MAPKAP1: variants seen among roughly 807,000 people sequenced by gnomAD.
MAPKAP1 encodes the protein target of rapamycin complex 2 subunit MAPKAP1.
A neutral mutation model predicts 65.7 loss-of-function variants in MAPKAP1; 20 were observed. The observed-to-expected ratio is 0.30, with a 90% confidence interval of 0.21 to 0.44. MAPKAP1 has a LOEUF of 0.44. MAPKAP1 is among the 20% of genes least tolerant of loss of function. The pLI is 1.00. For missense variants in MAPKAP1, 423 were observed against 648.0 expected, an observed-to-expected ratio of 0.65 and a Z score of 3.77; for synonymous variants, 222 against 244.3, an observed-to-expected ratio of 0.91 and a Z score of 0.85.
intron 4 of MAPKAP1, among the ~76,000 whole-genome samples, chr9:125,608,580 T>A (rs1435601925): frequency 6.6e-6 from 1 of 152,190 alleles, no homozygotes; most frequent in Non-Finnish European, 1.5e-5. Context: ...AGTGGAGACA[T>A]CAGCATTTCC....
chr9:125,531,533 C>T (rs1339630901), intron 7 of MAPKAP1, among the ~76,000 whole-genome samples: 1 of 152,162 alleles, frequency 6.6e-6, no homozygotes, highest in Non-Finnish European at 1.5e-5. Flanking sequence ...TGTTATTTAA[C>T]AGACGAGCTA....
At chr9:125,682,689 T>C (rs1447470705) in intron 1 of MAPKAP1, among the ~76,000 whole-genome samples, 1 of 152,244 alleles carries the variant, frequency 6.6e-6, no homozygotes, top group Non-Finnish European at 1.5e-5. Context: ...AAATGTTTAC[T>C]AGTTTTACCT....
rs1381457590 is a variant in MAPKAP1 at position 125,603,066 on chromosome 9, CTTT to C, written c.499-17342_499-17340del. On this transcript the variant is annotated intron_variant, in intron 4 of 11. Coordinates refer to ENST00000265960, the MANE Select transcript of MAPKAP1 (RefSeq NM_001006617.3). ...CACCACCACACTTGCGTCTTTCTTT[CTTT>C]CTTTCTTTCTTTTTTTTTTATAGAG... Among the ~76,000 whole-genome samples, 27 of 151,020 alleles carry C rather than the reference CTTT, an allele frequency of 1.8e-4. No individual in the cohort carries two copies. In the East Asian group the frequency reaches 5.0e-3, roughly 28 times the overall value.
intron 5 of MAPKAP1, among the ~76,000 whole-genome samples, chr9:125,565,025 G>T (rs527627976): frequency 6.6e-6 from 1 of 152,260 alleles, no homozygotes; most frequent in East Asian, 1.9e-4. Flanking sequence ...TTTGAACAAC[G>T]AATGGATGCA....
chr9:125,537,939 G>A (rs548470992), intron 7 of MAPKAP1, among the ~76,000 whole-genome samples: 2 of 152,196 alleles, frequency 1.3e-5, no homozygotes, highest in African/African-American at 4.8e-5. Flanking sequence ...TCTAAATTCC[G>A]CACCTCCCCA....
intron 6 of MAPKAP1, among the ~76,000 whole-genome samples, chr9:125,549,918 A>T (rs1400486451): frequency 6.6e-6 from 1 of 152,212 alleles, no homozygotes; most frequent in Non-Finnish European, 1.5e-5. Context: ...CTGCAAAGAC[A>T]TTCACATTCC....
intron 9 of MAPKAP1, among the ~76,000 whole-genome samples, chr9:125,470,679 T>C (rs926217989): frequency 4.6e-5 from 7 of 152,222 alleles, no homozygotes; most frequent in African/African-American, 9.6e-5. Context: ...CCTGGGGTTA[T>C]TGTGCAGTTA....
At chr9:125,597,045 G>A (rs1245041487) in intron 4 of MAPKAP1, among the ~76,000 whole-genome samples, 1 of 150,338 alleles carries the variant, frequency 6.7e-6, no homozygotes, top group Non-Finnish European at 1.5e-5. Context: ...GGCAGATCAC[G>A]AGGTCAGGAG....
chr9:125,685,883 TAATA>T (rs1834959660), intron 1 of MAPKAP1, among the ~76,000 whole-genome samples: 1 of 152,222 alleles, frequency 6.6e-6, no homozygotes, highest in Non-Finnish European at 1.5e-5. Flanking sequence ...GCTGCTGGTT[TAATA>T]GATAGGTCTC....
In MAPKAP1 at chr9:125,517,388, TGGGGTGGGGG is replaced by T. The variant is rs1372937335; in HGVS notation, c.959-10981_959-10972del. On this transcript the variant is annotated intron_variant, in intron 7 of 11. Transcript: ENST00000265960. Reference sequence around the variant, plus strand: ...CTGCTTGCCCTGATTTTTCCAGGGTTGGGGTGGGGGTTCTTTTTCTAAGTTAAGTGATTTA... The same window carrying T: ...CTGCTTGCCCTGATTTTTCCAGGGTTTTCTTTTTCTAAGTTAAGTGATTTA... Among the ~76,000 whole-genome samples, 4 of 152,010 alleles carry T rather than the reference TGGGGTGGGGG, an allele frequency of 2.6e-5. No individual in the cohort carries two copies. In the East Asian group the frequency reaches 7.7e-4, roughly 29 times the overall value.
chr9:125,592,991 GA>G (rs1365534076), intron 4 of MAPKAP1, among the ~76,000 whole-genome samples: 1 of 132,796 alleles, frequency 7.5e-6, no homozygotes, highest in East Asian at 2.2e-4. Flanking sequence ...AAAAAAAAAA[GA>G]AAAAAAAGAA....
chr9:125,468,647 C>T (rs1331392563), intron 9 of MAPKAP1, among the ~76,000 whole-genome samples: 1 of 152,172 alleles, frequency 6.6e-6, no homozygotes, highest in Non-Finnish European at 1.5e-5. Flanking sequence ...TTCTGTGACA[C>T]TAAATAATTA....
chr9:125,475,130 T>TTCTCCATA (rs1854055292), intron 9 of MAPKAP1, among the ~76,000 whole-genome samples: 1 of 152,080 alleles, frequency 6.6e-6, no homozygotes, highest in Non-Finnish European at 1.5e-5. Flanking sequence ...TATGAAAAAA[T>TTCTCCATA]TGAGGCTCAG....
Position 125,625,034 on chromosome 9 carries a change from G to GA in MAPKAP1, c.498+32616dup, listed in dbSNP as rs1833056351. 5.3e-5 allele frequency among the ~76,000 whole-genome samples: 4 copies of GA among 76,048 alleles called. 2 individuals are homozygous for GA. Among genetic ancestry groups the GA allele is most frequent in the Non-Finnish European group, 1.1e-4 (4 of 37,186 alleles). The allele number at this position is 76,048 out of a possible 152,430, so 49.9% of individuals were successfully genotyped here. On this transcript the variant is annotated intron_variant, in intron 4 of 11. Coordinates refer to ENST00000265960, the MANE Select transcript of MAPKAP1 (RefSeq NM_001006617.3). ...GATGTGCTTTGTTAAACAGATGCTT[G>GA]AAGGCAGCATGCTCGTTAAGAGTCA... is the stretch of plus-strand genomic sequence containing the variant.
At chr9:125,583,802 G>A (rs1206721018) in intron 5 of MAPKAP1, among the ~76,000 whole-genome samples, 5 of 152,296 alleles carry the variant, frequency 3.3e-5, no homozygotes, top group Non-Finnish European at 5.9e-5. Flanking sequence ...AGTGGCTCAC[G>A]CCTGTAATCC....
chr9:125,591,053 C>T (rs996681057), intron 4 of MAPKAP1, among the ~76,000 whole-genome samples: 3 of 152,150 alleles, frequency 2.0e-5, no homozygotes, highest in African/African-American at 4.8e-5. Flanking sequence ...GGATTACAAG[C>T]GTGAGTGACT....
chr9:125,702,228 C>A (rs1835620628), intron 1 of MAPKAP1, among the ~76,000 whole-genome samples: 1 of 152,092 alleles, frequency 6.6e-6, no homozygotes, highest in Non-Finnish European at 1.5e-5. Context: ...TAGACACCAT[C>A]TCTACAAAAT....
intron 1 of MAPKAP1, among the ~76,000 whole-genome samples, chr9:125,700,126 C>T (rs1042221314): frequency 6.6e-6 from 1 of 152,216 alleles, no homozygotes; most frequent in African/African-American, 2.4e-5. Context: ...GCCCAAAGCC[C>T]CATGTCACAC....
Position 125,552,840 on chromosome 9 carries a change from C to G in MAPKAP1, c.848+6793G>C, listed in dbSNP as rs550544525. On this transcript the variant is annotated intron_variant, in intron 6 of 11. Transcript: ENST00000265960. Reference sequence around the variant, plus strand: ...AGTTCCAGCTACTCAGGAGGACTGTCTGAACCCAAGAGTTCCAGTCCAGCC... The same window carrying G: ...AGTTCCAGCTACTCAGGAGGACTGTGTGAACCCAAGAGTTCCAGTCCAGCC... Among the ~76,000 whole-genome samples the G allele has an allele frequency of 5.3e-5, 8 of 152,274 alleles. No individual in the cohort carries two copies. The East Asian group carries it at 1.5e-3, about 29-fold the overall frequency.
Sources: allele counts gnomAD v4.1 joint callset (sites outside exome capture counted in the v4.1 genomes callset), GRCh38; gene constraint gnomAD v4.1.1; transcripts MANE v1.5; gene names NCBI Gene and HGNC (gene_info 2026-07-23, HGNC 2026-07-21).